RAB38: variants seen among roughly 807,000 people sequenced by gnomAD.
RAB38 encodes ras-related protein Rab-38.
RAB38 carries 15 observed loss-of-function variants against 18.4 expected under a neutral mutation model. The observed-to-expected ratio is 0.82, with a 90% CI of 0.55 to 1.26. RAB38 has a LOEUF of 1.26. Ranked by LOEUF, RAB38 falls within the 50% of genes most tolerant of loss-of-function variation. RAB38 has a pLI of 0.00. For missense variants in RAB38, 294 were observed against 267.4 expected (o/e 1.10, Z -0.69); for synonymous variants, 101 against 104.4 (o/e 0.97, Z 0.20).
At chr11:87,875,501 A>G in the RAB38 span, among the ~76,000 whole-genome samples, 5,019 of 151,558 alleles carry the variant, frequency 0.033, 222 homozygotes, top group Admixed American at 0.13. Flanking sequence ...TAGGGTATCA[A>G]TTCACCCAAA....
At chr11:87,908,017 A>G in the RAB38 span, among the ~76,000 whole-genome samples, 1 of 151,928 alleles carries the variant, frequency 6.6e-6, no homozygotes, top group African/African-American at 2.4e-5. Flanking sequence ...AATATTTATA[A>G]TACTGATAAT....
the RAB38 span, among the ~76,000 whole-genome samples, chr11:87,931,622 C>A: frequency 6.6e-6 from 1 of 152,214 alleles, no homozygotes; most frequent in East Asian, 1.9e-4. Context: ...CAGAACAGAA[C>A]AATTTTCAAA....
the RAB38 span, among the ~76,000 whole-genome samples, chr11:87,911,079 G>A: frequency 6.9e-4 from 105 of 152,056 alleles, 2 homozygotes; most frequent in East Asian, 0.017. Flanking sequence ...AAAGTCAACT[G>A]ACCATATATG....
At chr11:87,965,325 AG>A in the RAB38 span, among the ~76,000 whole-genome samples, 1 of 151,980 alleles carries the variant, frequency 6.6e-6, no homozygotes, top group Non-Finnish European at 1.5e-5. Context: ...GTGCTTGGGA[AG>A]GGCAGACTGT....
the RAB38 span, among the ~76,000 whole-genome samples, chr11:88,006,559 T>C: frequency 2.7e-5 from 4 of 147,974 alleles, no homozygotes; most frequent in Non-Finnish European, 4.5e-5. Flanking sequence ...GGATAAAGAA[T>C]ACATTATATA....
At chr11:87,805,940 T>C in the RAB38 span, among the ~76,000 whole-genome samples, 2 of 152,202 alleles carry the variant, frequency 1.3e-5, no homozygotes, top group South Asian at 2.1e-4. Context: ...CCCCACGTTA[T>C]TGGAGATAAT....
chr11:87,956,254 C>A, the RAB38 span, among the ~76,000 whole-genome samples: 1 of 152,220 alleles, frequency 6.6e-6, no homozygotes, highest in South Asian at 2.1e-4. Flanking sequence ...TTGCACAAGT[C>A]CCTCAAACTA....
chr11:87,891,474 G>T, the RAB38 span, among the ~76,000 whole-genome samples: 1 of 151,772 alleles, frequency 6.6e-6, no homozygotes. Context: ...TCCAGTGGTG[G>T]GCAGGCTGAA....
the RAB38 span, among the ~76,000 whole-genome samples, chr11:88,006,265 G>T: frequency 6.6e-6 from 1 of 151,254 alleles, no homozygotes; most frequent in African/African-American, 2.4e-5. Flanking sequence ...TTAAAAAATC[G>T]AAAGATGACA....
intron 2 of RAB38, among the ~76,000 whole-genome samples, chr11:88,119,674 A>T (rs1202473453): frequency 1.3e-5 from 2 of 152,060 alleles, no homozygotes; most frequent in East Asian, 3.8e-4. Context: ...AGAGCCAAAA[A>T]AAAAAAAAAA....
the RAB38 span, among the ~76,000 whole-genome samples, chr11:88,019,547 C>A: frequency 4.6e-5 from 7 of 152,274 alleles, no homozygotes; most frequent in Middle Eastern, 3.4e-3. Context: ...CATATAATAT[C>A]ATTCCCTGCT....
At chr11:87,961,614 T>C in the RAB38 span, among the ~76,000 whole-genome samples, 2 of 152,096 alleles carry the variant, frequency 1.3e-5, no homozygotes, top group Non-Finnish European at 2.9e-5. Context: ...ATCCCTCCTT[T>C]TTACATAAAA....
At chr11:88,076,484 C>A in the RAB38 span, among the ~76,000 whole-genome samples, 1 of 152,054 alleles carries the variant, frequency 6.6e-6, no homozygotes, top group Non-Finnish European at 1.5e-5. Flanking sequence ...GTCAAATTAG[C>A]TATGTTCACA....
the RAB38 span, among the ~76,000 whole-genome samples, chr11:88,017,050 G>A: frequency 6.6e-6 from 1 of 152,024 alleles, no homozygotes; most frequent in South Asian, 2.1e-4. Context: ...GTCATAAAAA[G>A]CTTCACAGAC....
At chr11:88,007,665 T>C in the RAB38 span, among the ~76,000 whole-genome samples, 1 of 152,044 alleles carries the variant, frequency 6.6e-6, no homozygotes. Context: ...GATACAACTA[T>C]TTTAGGAAAC....
chr11:87,954,356 C>G, the RAB38 span, among the ~76,000 whole-genome samples: 1 of 152,080 alleles, frequency 6.6e-6, no homozygotes, highest in Non-Finnish European at 1.5e-5. Context: ...CTCTGTCTCT[C>G]CCTTGAGTTT....
the RAB38 span, among the ~76,000 whole-genome samples, chr11:87,833,395 C>A: frequency 6.6e-6 from 1 of 152,154 alleles, no homozygotes. Context: ...TACCTCCTCC[C>A]AACAACCTGG....
intron 2 of RAB38, among the ~76,000 whole-genome samples, chr11:88,126,793 C>T (rs1049272075): frequency 2.0e-5 from 3 of 152,134 alleles, no homozygotes; most frequent in African/African-American, 4.8e-5. Context: ...TCTCTCTCAG[C>T]CTGTTTCTTT....
chr11:87,838,632 G>A, the RAB38 span, among the ~76,000 whole-genome samples: 16 of 152,256 alleles, frequency 1.1e-4, no homozygotes, highest in African/African-American at 3.6e-4. Flanking sequence ...GAAGCATTCA[G>A]CTTGCACAAA....
Sources: allele counts gnomAD v4.1 joint callset (sites outside exome capture counted in the v4.1 genomes callset), GRCh38; gene constraint gnomAD v4.1.1; transcripts MANE v1.5; gene names NCBI Gene and HGNC (gene_info 2026-07-23, HGNC 2026-07-21).